NLGN1: variants seen among roughly 807,000 people sequenced by gnomAD.
NLGN1 encodes neuroligin-1.
A neutral mutation model predicts 65.5 loss-of-function variants in NLGN1; 12 were observed. The observed-to-expected ratio is 0.18, with a 90% CI of 0.12 to 0.30. The LOEUF is 0.30. NLGN1 is among the 10% of genes least tolerant of loss of function. The pLI, the probability that NLGN1 is intolerant of heterozygous loss-of-function variation, is 1.00. For synonymous variants in NLGN1, 350 were observed against 359.5 expected (o/e 0.97, Z 0.30); for missense variants, 750 against 1,007.1 (o/e 0.74, Z 3.46).
intron 2 of NLGN1, among the ~76,000 whole-genome samples, chr3:173,522,345 C>A (rs188274208): frequency 1.2e-3 from 189 of 152,338 alleles, no homozygotes; most frequent in African/African-American, 4.4e-3. Context: ...TTTGTTTATC[C>A]AGTCCACCAC....
chr3:174,186,094 G>A (rs185386611), intron 4 of NLGN1, among the ~76,000 whole-genome samples: 263 of 152,154 alleles, frequency 1.7e-3, no homozygotes, highest in Non-Finnish European at 2.9e-3. Context: ...CAGAGTTGAT[G>A]TTCAGAAAGA....
At chr3:173,906,872 CAAAAACA>C (rs1480668924) in intron 4 of NLGN1, among the ~76,000 whole-genome samples, 15 of 56,398 alleles carry the variant, frequency 2.7e-4, no homozygotes, top group African/African-American at 1.0e-3. Flanking sequence ...AACAAACAAA[CAAAAACA>C]AAAAAAAAAA....
At chr3:174,149,422 T>C (rs77809904) in intron 4 of NLGN1, among the ~76,000 whole-genome samples, 1 of 152,110 alleles carries the variant, frequency 6.6e-6, no homozygotes, top group Non-Finnish European at 1.5e-5. Context: ...GCCCACTTTT[T>C]CCCAAAGCTT....
chr3:173,989,688 T>C (rs1720691758), intron 4 of NLGN1, among the ~76,000 whole-genome samples: 1 of 152,192 alleles, frequency 6.6e-6, no homozygotes, highest in African/African-American at 2.4e-5. Context: ...ACTCATGGGT[T>C]GCAGTCTTAC....
chr3:173,644,266 T>C (rs1317644993), intron 3 of NLGN1: 1 of 154,844 alleles, frequency 6.5e-6, no homozygotes, highest in African/African-American at 2.4e-5. Flanking sequence ...CCTGTCCTAC[T>C]GGTACCTGTA....
chr3:173,600,200 T>TCACACACAC (rs1187383560), intron 2 of NLGN1, among the ~76,000 whole-genome samples: 22,282 of 144,944 alleles, frequency 0.15, 2,157 homozygotes, highest in East Asian at 0.36. Context: ...TACATGTGTG[T>TCACACACAC]ACACACACAC....
intron 4 of NLGN1, among the ~76,000 whole-genome samples, chr3:174,048,542 A>G (rs1413620358): frequency 6.6e-6 from 1 of 151,974 alleles, no homozygotes; most frequent in African/African-American, 2.4e-5. Context: ...CTGAAAAAAA[A>G]TGTAGGTCCG....
At chr3:173,912,760 A>G (rs1158539160) in intron 4 of NLGN1, 4 of 152,186 alleles carry the variant, frequency 2.6e-5, no homozygotes, top group African/African-American at 9.6e-5. Flanking sequence ...TAATACTATT[A>G]CAAAAAGCAC....
chr3:173,969,685 C>T (rs1715748133), intron 4 of NLGN1, among the ~76,000 whole-genome samples: 1 of 152,030 alleles, frequency 6.6e-6, no homozygotes, highest in African/African-American at 2.4e-5. Context: ...ATATTCTATG[C>T]TGTTGAAAGC....
chr3:173,862,658 A>G (rs1560514904), intron 4 of NLGN1, among the ~76,000 whole-genome samples: 2 of 152,122 alleles, frequency 1.3e-5, no homozygotes, highest in East Asian at 3.8e-4. Context: ...CACCAAGCGA[A>G]TAACTGTGAC....
At chr3:174,132,779 TAA>T (rs1250435244) in intron 4 of NLGN1, among the ~76,000 whole-genome samples, 7 of 152,124 alleles carry the variant, frequency 4.6e-5, no homozygotes, top group Non-Finnish European at 8.8e-5. Flanking sequence ...GTCCCAGATA[TAA>T]GACTCAGTGC....
At chr3:173,564,756 G>T (rs145758057) in intron 2 of NLGN1, among the ~76,000 whole-genome samples, 73 of 152,240 alleles carry the variant, frequency 4.8e-4, no homozygotes, top group Middle Eastern at 6.8e-3. Flanking sequence ...CAAACAACAG[G>T]AATTTTAAAG....
At chr3:174,095,772 G>A (rs747069740) in intron 4 of NLGN1, among the ~76,000 whole-genome samples, 1 of 152,024 alleles carries the variant, frequency 6.6e-6, no homozygotes, top group Admixed American at 6.6e-5. Flanking sequence ...GGCTGAGGCC[G>A]GTGGATCACC....
chr3:173,881,181 T>G (rs1733184799), intron 4 of NLGN1, among the ~76,000 whole-genome samples: 1 of 140,812 alleles, frequency 7.1e-6, no homozygotes, highest in Admixed American at 7.4e-5. Context: ...TCACTGCAAC[T>G]GCCGCCTCCT....
chr3:173,693,438 A>T (rs1765754845), intron 3 of NLGN1, among the ~76,000 whole-genome samples: 1 of 152,092 alleles, frequency 6.6e-6, no homozygotes, highest in Non-Finnish European at 1.5e-5. Flanking sequence ...AAAAAGCTAA[A>T]ACTTTACCAA....
chr3:173,448,554 T>C (rs1720835659), intron 2 of NLGN1, among the ~76,000 whole-genome samples: 2 of 152,336 alleles, frequency 1.3e-5, no homozygotes, highest in African/African-American at 4.8e-5. Context: ...CAGGCTTTGG[T>C]ATCAGGATGA....
At chr3:174,063,053 G>T (rs1737749618) in intron 4 of NLGN1, among the ~76,000 whole-genome samples, 1 of 151,958 alleles carries the variant, frequency 6.6e-6, no homozygotes, top group African/African-American at 2.4e-5. Context: ...CTATTATCTA[G>T]CAAAGAACCA....
intron 2 of NLGN1, among the ~76,000 whole-genome samples, chr3:173,539,640 A>ATGTATGTATG (rs757003935): frequency 8.9e-6 from 1 of 111,812 alleles, no homozygotes; most frequent in Non-Finnish European, 1.7e-5. Flanking sequence ...ATACACATAT[A>ATGTATGTATG]TACATATATA....
chr3:174,121,091 T>G (rs984525393), intron 4 of NLGN1, among the ~76,000 whole-genome samples: 3 of 152,190 alleles, frequency 2.0e-5, no homozygotes, highest in African/African-American at 7.2e-5. Flanking sequence ...AAGTTCAACT[T>G]GAATAATACC....
Sources: allele counts gnomAD v4.1 joint callset (sites outside exome capture counted in the v4.1 genomes callset), GRCh38; gene constraint gnomAD v4.1.1; transcripts MANE v1.5; gene names NCBI Gene and HGNC (gene_info 2026-07-23, HGNC 2026-07-21).